Variants in SLC39A12 observed in about 807,000 individuals in gnomAD.
SLC39A12 encodes the protein zinc transporter ZIP12.
SLC39A12 carries 63 observed loss-of-function variants against 71.1 expected under a neutral mutation model. The ratio of observed to expected loss-of-function variants is 0.89; its 90% CI spans 0.72 to 1.09. SLC39A12 has a LOEUF of 1.09. SLC39A12 is among the 50% of genes least tolerant of loss of function. SLC39A12 has a pLI of 0.00. For missense variants in SLC39A12, 892 were observed against 812.6 expected, an observed-to-expected ratio of 1.10 and a Z score of -1.19; for synonymous variants, 351 against 301.3, an observed-to-expected ratio of 1.16 and a Z score of -1.71.
chr10:17,986,492 A>G (rs1325847427), intron 6 of SLC39A12, among the ~76,000 whole-genome samples: 1 of 152,106 alleles, frequency 6.6e-6, no homozygotes, highest in Non-Finnish European at 1.5e-5. Context: ...TGGTGAAGGG[A>G]AGAACTCCAG....
intron 12 of SLC39A12, among the ~76,000 whole-genome samples, chr10:18,011,285 C>T (rs932685306): frequency 1.4e-4 from 22 of 152,108 alleles, no homozygotes; most frequent in Admixed American, 1.3e-3. Flanking sequence ...GATGGGGTTT[C>T]GCCATGTTGG....
chr10:18,011,511 A>G (rs1362663450), intron 12 of SLC39A12, among the ~76,000 whole-genome samples: 1 of 152,256 alleles, frequency 6.6e-6, no homozygotes, highest in Admixed American at 6.5e-5. Flanking sequence ...GCTTCTGGCC[A>G]GCAGTAGGCT....
chr10:18,004,114 G>A (rs1012363703), intron 12 of SLC39A12, among the ~76,000 whole-genome samples: 1 of 152,004 alleles, frequency 6.6e-6, no homozygotes, highest in African/African-American at 2.4e-5. Flanking sequence ...CTTAAATTCT[G>A]GTCTCCTTAA....
chr10:18,036,239 C>T (rs1837011471), intron 12 of SLC39A12, among the ~76,000 whole-genome samples: 1 of 152,212 alleles, frequency 6.6e-6, no homozygotes, highest in African/African-American at 2.4e-5. Context: ...GGGCGCCCCT[C>T]CCCCAGCCTC....
Position 17,955,932 on chromosome 10 carries a change from C to A in SLC39A12, c.261+2395C>A, listed in dbSNP as rs79769848. Among the ~76,000 whole-genome samples, 21 of 152,210 alleles carry A rather than the reference C, an allele frequency of 1.4e-4. 1 individual carries two copies. The East Asian group carries it at 4.1e-3, about 29-fold the overall frequency. On this transcript the variant is annotated intron_variant, in intron 2 of 12. Coordinates refer to ENST00000377369, the MANE Select transcript of SLC39A12 (RefSeq NM_001145195.2). ...ACTTCAATAATTATGAGAACCATAACCCTACACATGTTTCTGAAAGGAAAA... is the reference window on the plus strand; with the variant it reads ...ACTTCAATAATTATGAGAACCATAAACCTACACATGTTTCTGAAAGGAAAA...
At chr10:18,027,620 C>T (rs1248975131) in intron 12 of SLC39A12, among the ~76,000 whole-genome samples, 1 of 152,212 alleles carries the variant, frequency 6.6e-6, no homozygotes, top group African/African-American at 2.4e-5. Context: ...TCTTAACCTT[C>T]CACTGACTGG....
At chr10:18,021,278 G>A (rs1361816097) in intron 12 of SLC39A12, among the ~76,000 whole-genome samples, 2 of 151,754 alleles carry the variant, frequency 1.3e-5, no homozygotes, top group Non-Finnish European at 2.9e-5. Context: ...ATCATTGTAA[G>A]TGTACAGTTT....
intron 12 of SLC39A12, among the ~76,000 whole-genome samples, chr10:18,027,269 C>CTTTCT (rs1160687046): frequency 6.6e-6 from 1 of 152,202 alleles, no homozygotes; most frequent in Non-Finnish European, 1.5e-5. Flanking sequence ...TCAAGTAAGA[C>CTTTCT]AGCATGGCTA....
chr10:17,972,019 G>A (rs1834988036), intron 4 of SLC39A12, among the ~76,000 whole-genome samples: 1 of 152,012 alleles, frequency 6.6e-6, no homozygotes, highest in Non-Finnish European at 1.5e-5. Context: ...ATAGGATTTG[G>A]TATGTTGTGT....
chr10:17,987,789 T>G, intron 7 of SLC39A12, 138 bp downstream of exon 7: 1 of 898,106 alleles, frequency 1.1e-6, no homozygotes, highest in Non-Finnish European at 1.7e-6. Flanking sequence ...AAAAGAAATA[T>G]TATTTCCCCA....
chr10:17,954,697 A>G (rs1444303637), intron 2 of SLC39A12, among the ~76,000 whole-genome samples: 1 of 152,142 alleles, frequency 6.6e-6, no homozygotes, highest in African/African-American at 2.4e-5. Flanking sequence ...CCCATTCCTG[A>G]CCCACGAGAT....
intron 12 of SLC39A12, among the ~76,000 whole-genome samples, chr10:18,037,417 G>T (rs1455007465): frequency 6.6e-6 from 1 of 152,164 alleles, no homozygotes; most frequent in Admixed American, 6.5e-5. Context: ...ATCTCAGATA[G>T]AGAATTGATC....
At chr10:17,983,687 C>T (rs1835329230) in intron 6 of SLC39A12, among the ~76,000 whole-genome samples, 1 of 151,930 alleles carries the variant, frequency 6.6e-6, no homozygotes, top group Non-Finnish European at 1.5e-5. Context: ...GAGGCTGAGG[C>T]AGGAGAATCA....
rs140903784 is a variant in SLC39A12, at chr10:18,021,675, G to T, written c.1947+18317G>T. ...GATCATGTCATCATGTTGTTAGCTG[G>T]TTGCTATGTAGACATAATTGTGTAT... On this transcript the variant is annotated intron_variant, in intron 12 of 12. Coordinates refer to ENST00000377369, the MANE Select transcript of SLC39A12 (RefSeq NM_001145195.2). 9.8e-3 allele frequency among the ~76,000 whole-genome samples: 1,491 copies of T among 152,206 alleles called. 20 individuals are homozygous for T. The highest frequency in any genetic ancestry group is 0.014 in the Middle Eastern group (4 of 294).
intron 1 of SLC39A12, among the ~76,000 whole-genome samples, chr10:17,952,467 CTTTT>C (rs1245377827): frequency 5.5e-5 from 8 of 146,750 alleles, no homozygotes; most frequent in African/African-American, 7.5e-5. Flanking sequence ...GTCTAAAACT[CTTTT>C]TTTTTCTTTT....
intron 2 of SLC39A12, among the ~76,000 whole-genome samples, chr10:17,960,900 T>C (rs2130778043): frequency 6.6e-6 from 1 of 152,360 alleles, no homozygotes; most frequent in Non-Finnish European, 1.5e-5. Flanking sequence ...CTTGGATACA[T>C]AAGGTTAAAA....
In SLC39A12 at chr10:17,991,147, G is replaced by A; in HGVS notation, c.1270-4G>A. The A allele has an allele frequency of 7.5e-7, 1 of 1,333,650 alleles. No homozygotes were observed. Among genetic ancestry groups the A allele is most frequent in the South Asian group, 1.6e-5 (1 of 61,394 alleles). The allele number at this position is 1,333,650 out of a possible 1,614,324, so 82.6% of individuals were successfully genotyped here. A position where few individuals can be genotyped will look rare whatever the true frequency, so the allele number is the denominator to read the frequency against. On this transcript the variant is annotated splice_polypyrimidine_tract_variant and splice_region_variant and intron_variant, in intron 7 of 12. Coordinates refer to ENST00000377369, the MANE Select transcript of SLC39A12 (RefSeq NM_001145195.2). ...TGCCTTTTTTTTTTTTTTTTCCCCT[G>A]AAGGTTCTTGGTTTACATAAGCAGG...
intron 12 of SLC39A12, among the ~76,000 whole-genome samples, chr10:18,008,136 C>T (rs1836085605): frequency 6.6e-6 from 1 of 152,182 alleles, no homozygotes; most frequent in African/African-American, 2.4e-5. Flanking sequence ...TTCTCAACCC[C>T]TGGTCCTGTT....
intron 3 of SLC39A12, among the ~76,000 whole-genome samples, chr10:17,962,317 A>G (rs1442649368): frequency 6.6e-6 from 1 of 152,236 alleles, no homozygotes; most frequent in Non-Finnish European, 1.5e-5. Flanking sequence ...TGCAAAAAGC[A>G]TTACTCATGG....
Sources: gnomAD v4.1 joint callset for allele counts (sites outside exome capture counted in the v4.1 genomes callset) on GRCh38, gnomAD v4.1.1 for gene constraint, MANE v1.5 for transcripts, NCBI Gene and HGNC (gene_info 2026-07-23, HGNC 2026-07-21) for gene names.